The following SORCS2 variants were observed in gnomAD, a reference collection of about 807,000 sequenced individuals.
SORCS2 encodes the protein VPS10 domain-containing receptor SorCS2.
Under a neutral mutation model 141.6 loss-of-function variants are expected in SORCS2, and 100 were observed. The observed-to-expected ratio is 0.71, with a 90% CI of 0.60 to 0.83. SORCS2 has a LOEUF of 0.83. SORCS2 is among the 40% of genes least tolerant of loss of function. The pLI is 0.00. For missense variants in SORCS2, 1,646 were observed against 1,560.2 expected, an observed-to-expected ratio of 1.05 and a Z score of -0.93; for synonymous variants, 789 against 676.9, an observed-to-expected ratio of 1.17 and a Z score of -2.57.
At chr4:7,350,001 CCCAGTTGTCA>C (rs1720847194) in intron 1 of SORCS2, among the ~76,000 whole-genome samples, 1 of 152,092 alleles carries the variant, frequency 6.6e-6, no homozygotes, top group African/African-American at 2.4e-5. Flanking sequence ...TACCCCTGGC[CCCAGTTGTCA>C]CCAAGAAATA....
At chr4:7,617,882 G>A (rs1718873894) in intron 3 of SORCS2, among the ~76,000 whole-genome samples, 1 of 152,132 alleles carries the variant, frequency 6.6e-6, no homozygotes, top group Non-Finnish European at 1.5e-5. Flanking sequence ...TGCCGCCCCA[G>A]CTCTGCCTCA....
intron 1 of SORCS2, among the ~76,000 whole-genome samples, chr4:7,370,591 T>G (rs1722186958): frequency 3.3e-5 from 5 of 152,234 alleles, no homozygotes. Flanking sequence ...CGCTCAATGA[T>G]CTTCCAAAGA....
chr4:7,475,622 C>T (rs879481497), intron 2 of SORCS2, among the ~76,000 whole-genome samples: 2 of 152,230 alleles, frequency 1.3e-5, no homozygotes, highest in South Asian at 2.1e-4. Flanking sequence ...ATGAAGAATA[C>T]ATCTGAAGAG....
At chr4:7,464,035 C>T (rs1291777266) in intron 2 of SORCS2, among the ~76,000 whole-genome samples, 1 of 152,210 alleles carries the variant, frequency 6.6e-6, no homozygotes, top group East Asian at 1.9e-4. Flanking sequence ...TATTCATTAA[C>T]TCATTCAGTC....
At chr4:7,313,271 C>G (rs1433838747) in intron 1 of SORCS2, among the ~76,000 whole-genome samples, 1 of 152,246 alleles carries the variant, frequency 6.6e-6, no homozygotes, top group Admixed American at 6.5e-5. Flanking sequence ...TTTGGATGCT[C>G]ATGCATCATT....
At chr4:7,274,260 A>G (rs1260013759) in intron 1 of SORCS2, among the ~76,000 whole-genome samples, 1 of 152,224 alleles carries the variant, frequency 6.6e-6, no homozygotes, top group Non-Finnish European at 1.5e-5. Context: ...CTTCGGGTGC[A>G]CTGGTTTGGA....
chr4:7,545,435 C>T (rs1278694408), intron 3 of SORCS2, among the ~76,000 whole-genome samples: 1 of 152,200 alleles, frequency 6.6e-6, no homozygotes, highest in African/African-American at 2.4e-5. Context: ...TGGCTCTTCA[C>T]CTGTGTCATC....
At chr4:7,678,297 G>T (rs1354914420) in intron 9 of SORCS2, among the ~76,000 whole-genome samples, 1 of 146,162 alleles carries the variant, frequency 6.8e-6, no homozygotes, top group African/African-American at 2.5e-5. Context: ...AGGAAGCAAG[G>T]AGCCAGAAGA....
intron 1 of SORCS2, among the ~76,000 whole-genome samples, chr4:7,309,617 T>C (rs1048792116): frequency 1.3e-5 from 2 of 152,178 alleles, no homozygotes; most frequent in African/African-American, 4.8e-5. Flanking sequence ...ATTTTCAGCT[T>C]TTTTAGTGCC....
At chr4:7,272,516 A>T (rs1000459690) in intron 1 of SORCS2, among the ~76,000 whole-genome samples, 1 of 152,146 alleles carries the variant, frequency 6.6e-6, no homozygotes, top group African/African-American at 2.4e-5. Flanking sequence ...CATCCAGTCA[A>T]ATTTATGTTC....
chr4:7,726,953 G>A (rs1373064598), intron 21 of SORCS2, 50 bp downstream of exon 21: 1 of 1,579,192 alleles, frequency 6.3e-7, no homozygotes, highest in South Asian at 1.1e-5. Flanking sequence ...CTCTGCTGCA[G>A]TCCAGGAAGC....
chr4:7,233,089 G>A lies in SORCS2; in HGVS notation c.480+39963G>A, dbSNP rs1577304833. Among the ~76,000 whole-genome samples the A allele has an allele frequency of 2.6e-5, 4 of 152,308 alleles. No individual in the cohort carries two copies. Among genetic ancestry groups the A allele is most frequent in the East Asian group, 1.9e-4 (1 of 5,180 alleles). ...AGGAGTCAGGCTTCGGCACCCGCAT[G>A]TTCAACTACTGCCTTCCTGATGGAG... On this transcript the variant is annotated intron_variant, in intron 1 of 26. Transcript: ENST00000507866. This position sits in a 1 kb window ranked among gnomAD's most constrained non-coding sequence, Gnocchi z 4.5.
intron 2 of SORCS2, among the ~76,000 whole-genome samples, chr4:7,441,383 GC>G (rs1241052596): frequency 6.6e-6 from 1 of 152,118 alleles, no homozygotes; most frequent in Non-Finnish European, 1.5e-5. Context: ...GCCTGGCAGA[GC>G]CGGGCAGTGA....
chr4:7,400,497 T>C (rs543657311), intron 2 of SORCS2, among the ~76,000 whole-genome samples: 75 of 149,304 alleles, frequency 5.0e-4, no homozygotes, highest in South Asian at 1.6e-3. Context: ...CACTAGAACA[T>C]AGGCTGGTTG....
intron 2 of SORCS2, among the ~76,000 whole-genome samples, chr4:7,530,541 G>C (rs375509987): frequency 2.4e-4 from 37 of 152,320 alleles, no homozygotes; most frequent in Admixed American, 1.2e-3. Flanking sequence ...ATTCTGCATC[G>C]ATAGAGCAGG....
At chr4:7,376,057 CA>C (rs1278928766) in intron 1 of SORCS2, among the ~76,000 whole-genome samples, 2 of 152,088 alleles carry the variant, frequency 1.3e-5, no homozygotes, top group Non-Finnish European at 2.9e-5. Context: ...TGTGAGAATC[CA>C]ATGCAGGCAG....
chr4:7,252,093 T>TGAGCCCCTCACTGTG (rs1713543956), intron 1 of SORCS2, among the ~76,000 whole-genome samples: 6 of 152,208 alleles, frequency 3.9e-5, no homozygotes, highest in Non-Finnish European at 8.8e-5. Flanking sequence ...ACCCCTGCAG[T>TGAGCCCCTCACTGTG]ACCACCCTCA....
chr4:7,292,836 G>A (rs1716701358), intron 1 of SORCS2, among the ~76,000 whole-genome samples: 1 of 152,222 alleles, frequency 6.6e-6, no homozygotes, highest in Non-Finnish European at 1.5e-5. Flanking sequence ...TGGGCAGTGT[G>A]CTGAATTTCT....
rs112628722 is a variant in SORCS2, at chr4:7,444,955, G to A, written c.548+48600G>A. On this transcript the variant is annotated intron_variant, in intron 2 of 26. Coordinates refer to ENST00000507866, the MANE Select transcript of SORCS2 (RefSeq NM_020777.3). Reference sequence around the variant, plus strand: ...ACGATGAACCGGAGGAGGCGACCCAGGCAGGCAGACCTGTTGGGCTGTGGT... The same window carrying A: ...ACGATGAACCGGAGGAGGCGACCCAAGCAGGCAGACCTGTTGGGCTGTGGT... Among the ~76,000 whole-genome samples, 1,432 of 152,376 alleles carry A rather than the reference G, an allele frequency of 9.4e-3. 7 individuals are homozygous for A. The highest frequency in any genetic ancestry group is 0.016 in the Non-Finnish European group (1,099 of 68,026).
Sources: allele counts gnomAD v4.1 joint callset (sites outside exome capture counted in the v4.1 genomes callset), GRCh38; gene constraint gnomAD v4.1.1; non-coding constraint Gnocchi (gnomAD v3.1); transcripts MANE v1.5; gene names NCBI Gene and HGNC (gene_info 2026-07-23, HGNC 2026-07-21).